The following IQSEC2 variants were observed in gnomAD, a reference collection of about 807,000 sequenced individuals.
IQSEC2 encodes IQ motif and Sec7 domain ArfGEF 2.
IQSEC2 carries 6 observed loss-of-function variants against 74.6 expected under a neutral mutation model. The observed-to-expected ratio is 0.08, with a 90% CI of 0.04 to 0.16. The LOEUF is 0.16. Among genes scored for constraint, IQSEC2 ranks in the 10% least tolerant of loss-of-function variants. IQSEC2 has a pLI of 1.00. For missense variants in IQSEC2, 734 were observed against 1,306.2 expected, an observed-to-expected ratio of 0.56 and a Z score of 6.75; for synonymous variants, 494 against 544.5, an observed-to-expected ratio of 0.91 and a Z score of 1.29.
At chrX:53,250,223 C>G in intron 5 of IQSEC2, 56 bp downstream of exon 5, 2 of 1,164,955 alleles carry the variant, frequency 1.7e-6, no homozygotes, top group Non-Finnish European at 2.3e-6. Context: ...CCCAGGAACC[C>G]AAGTGCATGT....
downstream of IQSEC2, chrX:53,229,146 T>G (rs1391150891): frequency 8.9e-6 from 1 of 111,884 alleles, no homozygotes; most frequent in Non-Finnish European, 1.9e-5. Flanking sequence ...TGCCCAAATC[T>G]TGGTTTCTAA....
intron 8 of IQSEC2, among the ~76,000 whole-genome samples, chrX:53,245,424 T>C (rs2074287739): frequency 1.5e-5 from 1 of 68,173 alleles, no homozygotes; most frequent in Non-Finnish European, 3.0e-5. Context: ...TGAGACCCTG[T>C]CTCTAAAAAT....
chrX:53,304,770 A>T (rs1407011564), intron 1 of IQSEC2, among the ~76,000 whole-genome samples: 1 of 111,225 alleles, frequency 9.0e-6, no homozygotes, highest in Non-Finnish European at 1.9e-5. Flanking sequence ...CTCCTTAGAG[A>T]ATACCTTCCC....
At chrX:53,245,915 T>A (rs782387104) in intron 8 of IQSEC2, among the ~76,000 whole-genome samples, 2 of 101,834 alleles carry the variant, frequency 2.0e-5, no homozygotes, top group East Asian at 6.2e-4. Context: ...CAGGCTGGAG[T>A]GCAGTGGTGC....
chrX:53,279,720 A>G, intron 2 of IQSEC2: 1 of 565,029 alleles, frequency 1.8e-6, no homozygotes, highest in Non-Finnish European at 2.9e-6. Flanking sequence ...GGGAAGTGGC[A>G]GGGTGGGCGA....
Position 53,234,322 on chromosome X carries a change from G to C in IQSEC2, c.4364C>G (p.Thr1455Ser), listed in dbSNP as rs1556858956. Reference sequence around the variant, plus strand: ...GGCGTGCAGCGGGCCATGGGGGGAGGTGGGTGGAAGGGGTGAGTGCGGGGT... The same window carrying C: ...GGCGTGCAGCGGGCCATGGGGGGAGCTGGGTGGAAGGGGTGAGTGCGGGGT... Reference protein sequence around the residue: ...PHTPHSPLPPTSPHGPLHASG... With the variant: ...PHTPHSPLPPSSPHGPLHASG... Residue 1455 changes from threonine (T) to serine (S), a missense_variant, in exon 15 of 15, where the codon ACC becomes AGC. By Grantham distance (58) the Thr-to-Ser change is moderately conservative. Around this residue, in one of 12 missense-constraint regions of IQSEC2, gnomAD observed 38 missense variants for 36.7 expected, o/e 1.04. Coordinates refer to ENST00000642864, the MANE Select transcript of IQSEC2 (RefSeq NM_001111125.3). 1.9e-6 allele frequency: 1 copy of C among 537,823 alleles called. No individual in the cohort carries two copies. The highest frequency in any genetic ancestry group is 4.6e-5 in the East Asian group (1 of 21,607). The allele number at this position is 537,823 out of a possible 1,213,427, so 44.3% of individuals were successfully genotyped here.
chrX:53,296,443 C>A (rs782476420), intron 1 of IQSEC2, among the ~76,000 whole-genome samples: 3 of 112,027 alleles, frequency 2.7e-5, no homozygotes, highest in African/African-American at 6.5e-5. Flanking sequence ...AGAAATCATG[C>A]GGGTCTCTCC....
At chrX:53,254,384 C>T (rs2074434853) in intron 4 of IQSEC2, 146 bp downstream of exon 4, 1 of 438,147 alleles carries the variant, frequency 2.3e-6, no homozygotes, top group Non-Finnish European at 3.7e-6. Context: ...TCTCATTATT[C>T]TCACAGTCCC....
intron 2 of IQSEC2, among the ~76,000 whole-genome samples, chrX:53,259,757 G>A (rs2074540780): frequency 9.0e-6 from 1 of 110,900 alleles, no homozygotes; most frequent in Admixed American, 9.6e-5. Context: ...CCGTGATCCT[G>A]CCACTGCACT....
intron 1 of IQSEC2, among the ~76,000 whole-genome samples, chrX:53,301,114 A>C (rs938303130): frequency 6.2e-5 from 7 of 112,325 alleles, no homozygotes; most frequent in African/African-American, 2.3e-4. Flanking sequence ...AATTTTTTAA[A>C]CGCTACTAAG....
chrX:53,242,383 G>A (rs186082725), intron 9 of IQSEC2, among the ~76,000 whole-genome samples: 54 of 91,726 alleles, frequency 5.9e-4, no homozygotes, highest in African/African-American at 2.1e-3. Context: ...GCAATGAGCC[G>A]AGATCATGCC....
chrX:53,260,696 C>T (rs1459775584), intron 2 of IQSEC2, among the ~76,000 whole-genome samples: 1 of 111,375 alleles, frequency 9.0e-6, no homozygotes, highest in African/African-American at 3.3e-5. Flanking sequence ...CCGCTCCTCT[C>T]GGGCTGCAGT....
intron 2 of IQSEC2, among the ~76,000 whole-genome samples, chrX:53,259,265 G>A (rs2074529386): frequency 9.3e-6 from 1 of 107,615 alleles, no homozygotes; most frequent in Admixed American, 1.0e-4. Context: ...AGCTACTCCA[G>A]AGGCTGACAT....
chrX:53,239,712 G>A (rs1414631986), intron 10 of IQSEC2: 2 of 190,587 alleles, frequency 1.0e-5, no homozygotes, highest in East Asian at 1.4e-4. Flanking sequence ...TGGTTGTCGG[G>A]TTCTGTCACC....
At chrX:53,315,210 G>A (rs1457233266) in intron 1 of IQSEC2, among the ~76,000 whole-genome samples, 1 of 111,766 alleles carries the variant, frequency 8.9e-6, no homozygotes, top group Non-Finnish European at 1.9e-5. Context: ...GACCAACATG[G>A]TGAAACCCCG....
At chrX:53,245,943 A>G (rs1738959449) in intron 8 of IQSEC2, among the ~76,000 whole-genome samples, 1 of 105,486 alleles carries the variant, frequency 9.5e-6, no homozygotes, top group Non-Finnish European at 1.9e-5. Flanking sequence ...GCTCACTGCA[A>G]CCTCTACCTC....
At chrX:53,265,424 C>T (rs1224385339) in intron 2 of IQSEC2, among the ~76,000 whole-genome samples, 1 of 111,167 alleles carries the variant, frequency 9.0e-6, no homozygotes, top group African/African-American at 3.3e-5. Flanking sequence ...ATGCTGGGCT[C>T]GTTGTGTTCT....
intron 2 of IQSEC2, among the ~76,000 whole-genome samples, chrX:53,284,570 C>A (rs1287160615): frequency 1.8e-5 from 2 of 111,494 alleles, no homozygotes; most frequent in African/African-American, 6.5e-5. Flanking sequence ...CCTCTGGGAA[C>A]CTGCCTTGAC....
intron 9 of IQSEC2, among the ~76,000 whole-genome samples, chrX:53,242,556 T>A (rs1338338459): frequency 1.8e-5 from 2 of 108,794 alleles, no homozygotes; most frequent in African/African-American, 6.7e-5. Context: ...AACTGGACCA[T>A]AAAGCAGAAG....
Sources: gnomAD v4.1 joint callset for allele counts (sites outside exome capture counted in the v4.1 genomes callset) on GRCh38, gnomAD v4.1.1 for gene constraint, gnomAD v4.1.1 regional missense constraint, MANE v1.5 for transcripts, NCBI Gene and HGNC (gene_info 2026-07-23, HGNC 2026-07-21) for gene names.